CD9: variants seen among roughly 807,000 people sequenced by gnomAD.
The protein encoded by CD9 is CD9 antigen.
CD9 carries 10 observed loss-of-function variants against 31.4 expected under a neutral mutation model. The observed-to-expected ratio is 0.32, with a 90% confidence interval of 0.20 to 0.54. The LOEUF (loss-of-function observed/expected upper bound fraction) is 0.54, where lower values mean the gene tolerates loss of function less well. Ranked by LOEUF, CD9 falls within the 20% of genes least tolerant of loss-of-function variation. The pLI is 0.94. For missense variants in CD9, 259 were observed against 300.1 expected (o/e 0.86, Z 1.01); for synonymous variants, 113 against 114.1 (o/e 0.99, Z 0.06).
intron 1 of CD9, among the ~76,000 whole-genome samples, chr12:6,222,505 C>T (rs1398855243): frequency 3.9e-5 from 6 of 152,218 alleles, no homozygotes; most frequent in Non-Finnish European, 7.3e-5. Context: ...ACAACCAAGC[C>T]GCATGATGTA....
At chr12:6,229,577 G>C (rs991149075) in intron 2 of CD9, among the ~76,000 whole-genome samples, 1 of 152,172 alleles carries the variant, frequency 6.6e-6, no homozygotes, top group Non-Finnish European at 1.5e-5. Context: ...TTGAACACCT[G>C]GTGGAGTTAT....
At chr12:6,225,264 A>G (rs777228929) in intron 1 of CD9, 162 bp from the exon 2 acceptor site, 7 of 600,792 alleles carry the variant, frequency 1.2e-5, no homozygotes, top group Non-Finnish European at 2.1e-5. Flanking sequence ...ACCTGCATGA[A>G]TCAAACACAC....
intron 7 of CD9, 62 bp downstream of exon 7, chr12:6,236,337 C>A: frequency 2.1e-6 from 3 of 1,451,182 alleles, no homozygotes; most frequent in Non-Finnish European, 2.9e-6. Flanking sequence ...TCAGCCCATG[C>A]TCTACCCAGA....
At chr12:6,207,633 G>A (rs957500330) in intron 1 of CD9, among the ~76,000 whole-genome samples, 21 of 152,154 alleles carry the variant, frequency 1.4e-4, no homozygotes, top group Non-Finnish European at 5.9e-5. Flanking sequence ...GGAAAGTCTC[G>A]TCCTCTGAGG....
intron 1 of CD9, chr12:6,225,147 T>C (rs1785474436): frequency 2.5e-6 from 1 of 406,670 alleles, no homozygotes; most frequent in Non-Finnish European, 4.4e-6. Context: ...TAGCTAGAGT[T>C]ACTCGTTTTC....
rs376745905 is a variant in CD9, at chr12:6,233,500, A to G, written c.348+14A>G. On this transcript the variant is annotated intron_variant, in intron 4 of 7. Coordinates refer to ENST00000009180, the MANE Select transcript of CD9 (RefSeq NM_001769.4). ...CACAAGGATGAGGTAGGTTTTTCCCATGAGATCTCTTGGGTTTGGGAGTTG... is the reference window on the plus strand; with the variant it reads ...CACAAGGATGAGGTAGGTTTTTCCCGTGAGATCTCTTGGGTTTGGGAGTTG... 3.7e-6 allele frequency: 6 copies of G among 1,602,676 alleles called. No homozygotes were observed. The highest frequency in any genetic ancestry group is 2.7e-5 in the African/African-American group (2 of 74,632).
intron 1 of CD9, among the ~76,000 whole-genome samples, chr12:6,216,536 AG>A (rs1346856220): frequency 2.6e-5 from 4 of 152,192 alleles, no homozygotes; most frequent in Non-Finnish European, 5.9e-5. Context: ...TCCTTTCAGC[AG>A]GGTTAATTTG....
intron 1 of CD9, among the ~76,000 whole-genome samples, chr12:6,222,553 C>T (rs1397075760): frequency 6.6e-6 from 1 of 152,210 alleles, no homozygotes. Flanking sequence ...GGACTCCCGA[C>T]TCCGGGCTTG....
intron 1 of CD9, among the ~76,000 whole-genome samples, chr12:6,213,810 A>G (rs1176964559): frequency 6.6e-6 from 1 of 152,168 alleles, no homozygotes; most frequent in African/African-American, 2.4e-5. Context: ...AACAAACCCA[A>G]GGGAGAAGCT....
chr12:6,215,499 C>T lies in CD9; in HGVS notation c.67-9927C>T, dbSNP rs187917154. Among the ~76,000 whole-genome samples the T allele has an allele frequency of 3.1e-3, 475 of 152,296 alleles. 2 individuals carry two copies. The highest frequency in any genetic ancestry group is 3.7e-3 in the Non-Finnish European group (252 of 68,028). ...AATTTGCATGTCCAGGTTCCTGGGT[C>T]ATCCTGCTGCTGGTCTGGGGTCATT... On this transcript the variant is annotated intron_variant, in intron 1 of 7. Transcript: ENST00000009180.
intron 2 of CD9, among the ~76,000 whole-genome samples, chr12:6,226,112 G>T (rs759990525): frequency 6.6e-6 from 1 of 152,152 alleles, no homozygotes. Flanking sequence ...TATTTGACAC[G>T]ACTTTTGCTT....
chr12:6,206,969 C>T (rs1243952769), intron 1 of CD9, among the ~76,000 whole-genome samples: 74 of 151,850 alleles, frequency 4.9e-4, no homozygotes, highest in Non-Finnish European at 7.4e-5. Context: ...TAGTTCACTG[C>T]AGCCTCAAAC....
At chr12:6,223,055 A>G (rs191898939) in intron 1 of CD9, among the ~76,000 whole-genome samples, 2 of 152,354 alleles carry the variant, frequency 1.3e-5, no homozygotes, top group African/African-American at 4.8e-5. Context: ...TATGCGCGCA[A>G]GAGCATCACA....
chr12:6,200,527 A>G lies in CD9; in HGVS notation c.28A>G (p.Ile10Val). The G allele has an allele frequency of 6.2e-7, 1 of 1,611,428 alleles. No individual in the cohort carries two copies. Among genetic ancestry groups the G allele is most frequent in the Non-Finnish European group, 8.5e-7 (1 of 1,178,254 alleles). ...GCCGGTCAAAGGAGGCACCAAGTGC[A>G]TCAAATACCTGCTGTTCGGATTTAA... MPVKGGTKC[I>V]KYLLFGFNFI... is the part of the protein sequence containing the mutation. Residue 10 changes from isoleucine (I) to valine (V), a missense_variant, in exon 1 of 8, where the codon ATC (isoleucine) becomes GTC (valine). Coordinates refer to ENST00000009180, the MANE Select transcript of CD9 (RefSeq NM_001769.4).
In CD9 at chr12:6,235,540, A is replaced by ACGTACTCGAAACCTT. The variant is rs762640035; in HGVS notation, c.514_528dup (p.Val172_Phe176dup). The ACGTACTCGAAACCTT allele has an allele frequency of 6.2e-6, 10 of 1,613,392 alleles. No individual in the cohort carries two copies. The highest frequency in any genetic ancestry group is 8.5e-6 in the Non-Finnish European group (10 of 1,179,508). ...ATCTCAGACATCTGCCCCAAGAAGGACGTACTCGAAACCTTCACCGTGAAG... is the reference window on the plus strand; with the variant it reads ...ATCTCAGACATCTGCCCCAAGAAGGACGTACTCGAAACCTTCGTACTCGAAACCTTCACCGTGAAG... On this transcript the variant is annotated inframe_insertion, in exon 6 of 8. Transcript: ENST00000009180.
chr12:6,236,410 T>G, intron 7 of CD9, 135 bp downstream of exon 7: 2 of 733,850 alleles, frequency 2.7e-6, no homozygotes. Context: ...ATTTCCATTT[T>G]ACCACTAGGG....
intron 7 of CD9, among the ~76,000 whole-genome samples, chr12:6,237,333 G>A (rs1228085165): frequency 1.3e-5 from 2 of 151,984 alleles, no homozygotes; most frequent in Non-Finnish European, 2.9e-5. Flanking sequence ...CGAGGCAGGC[G>A]GATCGCACCA....
intron 2 of CD9, among the ~76,000 whole-genome samples, chr12:6,227,090 C>T (rs1282661587): frequency 6.6e-6 from 1 of 152,204 alleles, no homozygotes; most frequent in African/African-American, 2.4e-5. Flanking sequence ...TTTTCTGTTA[C>T]CCAAAGCCTC....
chr12:6,211,173 A>G (rs1171957536), intron 1 of CD9, among the ~76,000 whole-genome samples: 2 of 152,160 alleles, frequency 1.3e-5, no homozygotes, highest in Non-Finnish European at 2.9e-5. Flanking sequence ...TTTTTCATCT[A>G]AAAAATAGAA....
Sources: gnomAD v4.1 joint callset for allele counts (sites outside exome capture counted in the v4.1 genomes callset) on GRCh38, gnomAD v4.1.1 for gene constraint, MANE v1.5 for transcripts, NCBI Gene and HGNC (gene_info 2026-07-23, HGNC 2026-07-21) for gene names.